Variants in SND1 observed in about 807,000 individuals in gnomAD.
SND1 encodes staphylococcal nuclease and tudor domain containing 1, also known as staphylococcal nuclease domain-containing protein 1.
Under a neutral mutation model 121.7 loss-of-function variants are expected in SND1, and 38 were observed. The observed-to-expected ratio is 0.31, with a 90% CI of 0.24 to 0.41. The LOEUF is 0.41. Ranked by LOEUF, SND1 falls within the 10% of genes least tolerant of loss-of-function variation. The pLI is 1.00. For missense variants in SND1, 868 were observed against 1,184.6 expected (o/e 0.73, Z 3.92); for synonymous variants, 401 against 447.4 (o/e 0.90, Z 1.31).
At chr7:127,734,262 A>G (rs191417341) in intron 10 of SND1, among the ~76,000 whole-genome samples, 4 of 152,256 alleles carry the variant, frequency 2.6e-5, no homozygotes, top group African/African-American at 4.8e-5. Context: ...GAAAGGAGAT[A>G]TAAGAGTTCT....
chr7:128,000,507 A>ACAGGCC (rs1170833228), intron 16 of SND1, among the ~76,000 whole-genome samples: 2 of 151,866 alleles, frequency 1.3e-5, no homozygotes, highest in Non-Finnish European at 2.9e-5. Context: ...AGGTAGGACT[A>ACAGGCC]CAGGCCCGTG....
chr7:128,088,403 G>A (rs1396216101), intron 21 of SND1, among the ~76,000 whole-genome samples: 1 of 149,800 alleles, frequency 6.7e-6, no homozygotes, highest in Non-Finnish European at 1.5e-5. Context: ...CAAGGTTGCA[G>A]TGAGATGATG....
chr7:127,670,108 A>T (rs1341857138), intron 1 of SND1, among the ~76,000 whole-genome samples: 1 of 150,894 alleles, frequency 6.6e-6, no homozygotes, highest in Admixed American at 6.6e-5. Context: ...CTTGTGCCTC[A>T]CCCTCCTGAG....
chr7:128,037,814 G>A (rs375296771), intron 16 of SND1, among the ~76,000 whole-genome samples: 1 of 152,172 alleles, frequency 6.6e-6, no homozygotes, highest in Non-Finnish European at 1.5e-5. Context: ...GGAAAAATCT[G>A]TCTCTTATTT....
At chr7:127,654,190 T>C (rs1286271897) in intron 1 of SND1, among the ~76,000 whole-genome samples, 1 of 152,210 alleles carries the variant, frequency 6.6e-6, no homozygotes, top group African/African-American at 2.4e-5. Flanking sequence ...TTCTGTGCGG[T>C]GACTGCCCAC....
chr7:127,783,436 T>G (rs1193781859), intron 10 of SND1, among the ~76,000 whole-genome samples: 3 of 152,228 alleles, frequency 2.0e-5, no homozygotes, highest in Admixed American at 1.3e-4. Context: ...AATATTGTGT[T>G]AACAGACTAC....
intron 13 of SND1, among the ~76,000 whole-genome samples, chr7:127,898,833 G>A (rs1362260163): frequency 1.3e-5 from 2 of 152,084 alleles, no homozygotes; most frequent in East Asian, 1.9e-4. Context: ...GACTTGATGT[G>A]GGATGTGATG....
intron 10 of SND1, among the ~76,000 whole-genome samples, chr7:127,759,057 A>AATAGATAGATAGATAGATAGATAG (rs1289095272): frequency 1.5e-4 from 22 of 145,390 alleles, no homozygotes; most frequent in South Asian, 4.6e-4. Context: ...CTGTCTCAAA[A>AATAGATAGATAGATAGATAGATAG]ATAGATAGAT....
intron 16 of SND1, among the ~76,000 whole-genome samples, chr7:128,025,811 A>C (rs1000505880): frequency 1.3e-5 from 2 of 151,800 alleles, no homozygotes; most frequent in African/African-American, 4.8e-5. Flanking sequence ...GTCTCCCCCA[A>C]CTCCTTTGAG....
intron 10 of SND1, among the ~76,000 whole-genome samples, chr7:127,797,569 G>A (rs1798050222): frequency 6.6e-6 from 1 of 152,196 alleles, no homozygotes; most frequent in Non-Finnish European, 1.5e-5. Flanking sequence ...AAATGTTTGT[G>A]TCCGGTTACA....
intron 11 of SND1, among the ~76,000 whole-genome samples, chr7:127,836,086 C>T (rs1798862243): frequency 6.6e-6 from 1 of 152,064 alleles, no homozygotes; most frequent in Non-Finnish European, 1.5e-5. Context: ...TAAATGAATG[C>T]ATGATGTCAG....
intron 16 of SND1, among the ~76,000 whole-genome samples, chr7:127,996,219 G>A (rs1802653942): frequency 1.3e-5 from 2 of 152,154 alleles, no homozygotes; most frequent in Non-Finnish European, 2.9e-5. Flanking sequence ...CGTTTCAGGG[G>A]AATGTGGCCT....
chr7:127,878,366 T>C (rs1799728786), intron 12 of SND1, among the ~76,000 whole-genome samples: 1 of 152,222 alleles, frequency 6.6e-6, no homozygotes, highest in Non-Finnish European at 1.5e-5. Context: ...CTTTATTTGC[T>C]CTAAGTTCCA....
At chr7:127,676,344 G>A (rs1269992378) in intron 1 of SND1, among the ~76,000 whole-genome samples, 2 of 152,132 alleles carry the variant, frequency 1.3e-5, no homozygotes, top group African/African-American at 4.8e-5. Flanking sequence ...GGGAGTCAAG[G>A]ATCTTATGTA....
chr7:127,968,751 G>A (rs1801910870), intron 15 of SND1, among the ~76,000 whole-genome samples: 1 of 152,234 alleles, frequency 6.6e-6, no homozygotes, highest in Non-Finnish European at 1.5e-5. Context: ...GTAGCAGGAA[G>A]ACTGGCTTGT....
At chr7:128,017,012 A>G (rs765401385) in intron 16 of SND1, among the ~76,000 whole-genome samples, 1 of 152,252 alleles carries the variant, frequency 6.6e-6, no homozygotes, top group Non-Finnish European at 1.5e-5. Context: ...TCCTTAAAGT[A>G]ACCATCAGAT....
chr7:128,002,517 T>C lies in SND1; in HGVS notation c.1779+11461T>C, dbSNP rs553297897. Among the ~76,000 whole-genome samples, 4 of 152,296 alleles carry C rather than the reference T, an allele frequency of 2.6e-5. No individual in the cohort carries two copies. The South Asian group carries it at 6.2e-4, about 24-fold the overall frequency. On this transcript the variant is annotated intron_variant, in intron 16 of 23. Transcript: ENST00000354725. ...GCCTTTTCTAGACTTGGCTATGGAC[T>C]GATAAGGTGATCACCAAGGGAGGGG...
chr7:128,080,611 G>A (rs1793582387), intron 17 of SND1, among the ~76,000 whole-genome samples: 1 of 152,234 alleles, frequency 6.6e-6, no homozygotes, highest in African/African-American at 2.4e-5. Flanking sequence ...GTGCCACGGG[G>A]AAGGGAGATG....
At chr7:128,073,506 A>G (rs190760016) in intron 16 of SND1, among the ~76,000 whole-genome samples, 1 of 152,292 alleles carries the variant, frequency 6.6e-6, no homozygotes, top group Non-Finnish European at 1.5e-5. Flanking sequence ...CTGGGGAGGC[A>G]TGTCACCCAG....
Sources: gnomAD v4.1 joint callset for allele counts (sites outside exome capture counted in the v4.1 genomes callset) on GRCh38, gnomAD v4.1.1 for gene constraint, MANE v1.5 for transcripts, NCBI Gene and HGNC (gene_info 2026-07-23, HGNC 2026-07-21) for gene names.